The following ZFYVE9 variants were observed in gnomAD, a reference collection of about 807,000 sequenced individuals.
The protein encoded by ZFYVE9 is zinc finger FYVE-type containing 9, also known as zinc finger FYVE domain-containing protein 9.
In ZFYVE9, 43 loss-of-function variants were observed where a neutral mutation model predicts 126.7. That is an observed-to-expected ratio of 0.34 (90% CI 0.27 to 0.44). ZFYVE9 has a LOEUF of 0.44. Ranked by LOEUF, ZFYVE9 falls within the 20% of genes least tolerant of loss-of-function variation. The pLI, the probability that ZFYVE9 is intolerant of heterozygous loss-of-function variation, is 1.00. For missense variants in ZFYVE9, 1,476 were observed against 1,697.0 expected (o/e 0.87, Z 2.29); for synonymous variants, 521 against 597.4 (o/e 0.87, Z 1.87).
intron 10 of ZFYVE9, among the ~76,000 whole-genome samples, chr1:52,286,880 G>C (rs1195618048): frequency 6.6e-6 from 1 of 151,910 alleles, no homozygotes; most frequent in African/African-American, 2.4e-5. Context: ...AACATTTATT[G>C]GTTCATTTTG....
chr1:52,148,561 T>G (rs1644325284), intron 1 of ZFYVE9, among the ~76,000 whole-genome samples: 1 of 152,150 alleles, frequency 6.6e-6, no homozygotes, highest in African/African-American at 2.4e-5. Flanking sequence ...TAGAACTGAT[T>G]AACCACATTG....
chr1:52,176,058 G>C (rs1644624976), intron 1 of ZFYVE9, among the ~76,000 whole-genome samples: 1 of 152,226 alleles, frequency 6.6e-6, no homozygotes, highest in Non-Finnish European at 1.5e-5. Flanking sequence ...TTCCTTTGGA[G>C]GAGGAGAGAC....
chr1:52,206,739 G>A (rs1458568453), intron 1 of ZFYVE9, among the ~76,000 whole-genome samples: 5 of 152,068 alleles, frequency 3.3e-5, no homozygotes, highest in East Asian at 1.9e-4. Context: ...TAGCAGAGAC[G>A]GGGTTTCGCC....
chr1:52,212,118 T>A (rs1212578903), intron 1 of ZFYVE9, among the ~76,000 whole-genome samples: 1 of 152,218 alleles, frequency 6.6e-6, no homozygotes, highest in Non-Finnish European at 1.5e-5. Flanking sequence ...TTTTCAGTTT[T>A]TATATTTCAA....
At chr1:52,329,378 A>G (rs1442152569) in intron 13 of ZFYVE9, among the ~76,000 whole-genome samples, 1 of 152,200 alleles carries the variant, frequency 6.6e-6, no homozygotes, top group East Asian at 1.9e-4. Context: ...ATAAGAGCTA[A>G]AACCATAAAG....
chr1:52,159,435 G>A (rs553920529), intron 1 of ZFYVE9, among the ~76,000 whole-genome samples: 1 of 152,322 alleles, frequency 6.6e-6, no homozygotes, highest in African/African-American at 2.4e-5. Context: ...GAAAGGGAGA[G>A]GAGGCACAAT....
At chr1:52,206,566 G>C (rs1017269936) in intron 1 of ZFYVE9, among the ~76,000 whole-genome samples, 1 of 152,010 alleles carries the variant, frequency 6.6e-6, no homozygotes, top group Non-Finnish European at 1.5e-5. Context: ...TTTGTTTTTT[G>C]AGACAGTCTC....
At chr1:52,254,350 G>T (rs139940177) in intron 4 of ZFYVE9, among the ~76,000 whole-genome samples, 34 of 145,456 alleles carry the variant, frequency 2.3e-4, no homozygotes, top group Middle Eastern at 7.0e-3. Context: ...TCTTTAACAT[G>T]TAATAAAGCT....
chr1:52,202,007 C>T (rs911981396), intron 1 of ZFYVE9, among the ~76,000 whole-genome samples: 2 of 152,016 alleles, frequency 1.3e-5, no homozygotes, highest in African/African-American at 4.8e-5. Context: ...TGGTCTCGAA[C>T]TCCTGACCTT....
chr1:52,289,271 C>T (rs1408495315), intron 10 of ZFYVE9, among the ~76,000 whole-genome samples: 1 of 152,036 alleles, frequency 6.6e-6, no homozygotes, highest in African/African-American at 2.4e-5. Flanking sequence ...ACTTATTTAC[C>T]TCGTCTTTTC....
chr1:52,261,992 T>C (rs1050789126), intron 4 of ZFYVE9, among the ~76,000 whole-genome samples: 2 of 152,276 alleles, frequency 1.3e-5, no homozygotes, highest in Non-Finnish European at 2.9e-5. Flanking sequence ...ACTAGCTGTA[T>C]GACCCTGGTA....
chr1:52,156,748 A>G (rs932443359), intron 1 of ZFYVE9, among the ~76,000 whole-genome samples: 8 of 151,972 alleles, frequency 5.3e-5, no homozygotes, highest in African/African-American at 1.9e-4. Flanking sequence ...ATGATGCTCC[A>G]TGTTTCTGTA....
chr1:52,290,719 A>T (rs1363751240), intron 10 of ZFYVE9, among the ~76,000 whole-genome samples: 1 of 152,144 alleles, frequency 6.6e-6, no homozygotes, highest in Non-Finnish European at 1.5e-5. Flanking sequence ...AATTTACTTA[A>T]ATCTTACTCT....
At chr1:52,203,410 T>G (rs1436313626) in intron 1 of ZFYVE9, among the ~76,000 whole-genome samples, 1 of 151,404 alleles carries the variant, frequency 6.6e-6, no homozygotes, top group East Asian at 1.9e-4. Context: ...CTTGAACTCC[T>G]GACCTCAAAT....
Position 52,237,997 on chromosome 1 carries a change from C to G in ZFYVE9, c.580C>G (p.Gln194Glu). 4 of 1,613,866 alleles carry G rather than the reference C, an allele frequency of 2.5e-6. No homozygotes were observed. Among genetic ancestry groups the G allele is most frequent in the East Asian group, 2.2e-5 (1 of 44,878 alleles). Residue 194 changes from glutamine to glutamate, a missense_variant, in exon 4 of 19, where the codon CAA (glutamine) becomes GAA (glutamate). Physicochemically the swap from Gln to Glu is conservative, Grantham distance 29. Coordinates refer to ENST00000287727, the MANE Select transcript of ZFYVE9 (RefSeq NM_004799.4). ...SLDNENRQTDQFSFSINESTE... is the reference protein window; with the variant it reads ...SLDNENRQTDEFSFSINESTE... ...GGATAATGAAAACAGACAAACTGATCAATTTAGTTTTAGTATAAATGAGTC... is the reference window on the plus strand; with the variant it reads ...GGATAATGAAAACAGACAAACTGATGAATTTAGTTTTAGTATAAATGAGTC...
At chr1:52,309,503 G>A (rs1193184153) in intron 13 of ZFYVE9, among the ~76,000 whole-genome samples, 1 of 151,798 alleles carries the variant, frequency 6.6e-6, no homozygotes, top group Non-Finnish European at 1.5e-5. Flanking sequence ...AAGCAAAAAA[G>A]GGCAGAAAAG....
At position 52,181,207 on chromosome 1, in the gene ZFYVE9, T is replaced by C. The variant is rs1226781167; in HGVS notation, c.-142-35162T>C. Among the ~76,000 whole-genome samples the C allele has an allele frequency of 2.0e-5, 3 of 152,290 alleles. 1 individual carries two copies. The highest frequency in any genetic ancestry group is 4.1e-4 in the South Asian group (2 of 4,830). On this transcript the variant is annotated intron_variant, in intron 1 of 18. Coordinates refer to ENST00000287727, the MANE Select transcript of ZFYVE9 (RefSeq NM_004799.4). ...GCCTGATTCTCCTGCCTCAGCCTGC[T>C]GAGTGCCTGCGATTGCAGGCGCGCG...
chr1:52,329,262 A>G (rs1253900844), intron 13 of ZFYVE9, among the ~76,000 whole-genome samples: 21 of 152,226 alleles, frequency 1.4e-4, no homozygotes, highest in Admixed American at 1.4e-3. Flanking sequence ...GTTCTTGAAA[A>G]AAGAAGAACA....
chr1:52,192,491 C>T (rs966876639), intron 1 of ZFYVE9, among the ~76,000 whole-genome samples: 4 of 152,216 alleles, frequency 2.6e-5, no homozygotes, highest in Non-Finnish European at 5.9e-5. Flanking sequence ...CTACCTCCTT[C>T]CCTTAAATCT....
Sources: gnomAD v4.1 joint callset for allele counts (sites outside exome capture counted in the v4.1 genomes callset) on GRCh38, gnomAD v4.1.1 for gene constraint, MANE v1.5 for transcripts, NCBI Gene and HGNC (gene_info 2026-07-23, HGNC 2026-07-21) for gene names.